KCNN2: variants seen among roughly 807,000 people sequenced by gnomAD.
KCNN2 encodes small conductance calcium-activated potassium channel protein 2.
KCNN2 carries 24 observed loss-of-function variants against 55.5 expected under a neutral mutation model. The observed-to-expected ratio is 0.43, with a 90% confidence interval of 0.31 to 0.61. The LOEUF (loss-of-function observed/expected upper bound fraction) is 0.61. Ranked by LOEUF, KCNN2 falls within the 20% of genes least tolerant of loss-of-function variation. The probability of loss-of-function intolerance (pLI) is 0.08; values close to 1 mark genes in which losing one functional copy is unlikely to be tolerated. For missense variants in KCNN2, 754 were observed against 853.6 expected, an observed-to-expected ratio of 0.88 and a Z score of 1.45; for synonymous variants, 431 against 336.1, an observed-to-expected ratio of 1.28 and a Z score of -3.09.
intron 2 of KCNN2, among the ~76,000 whole-genome samples, chr5:114,312,438 T>C (rs1256810237): frequency 0.012 from 264 of 21,642 alleles, no homozygotes; most frequent in Middle Eastern, 0.06. Context: ...CACACACATA[T>C]ATATATATAT....
intron 2 of KCNN2, among the ~76,000 whole-genome samples, chr5:114,329,947 C>T (rs1451224953): frequency 6.6e-6 from 1 of 152,128 alleles, no homozygotes; most frequent in African/African-American, 2.4e-5. Flanking sequence ...TCTCTGCAGG[C>T]CACAACCCTG....
At chr5:114,191,395 A>G (rs970094322) in intron 1 of KCNN2, among the ~76,000 whole-genome samples, 8 of 152,042 alleles carry the variant, frequency 5.3e-5, no homozygotes, top group African/African-American at 1.9e-4. Flanking sequence ...TATTTATGTA[A>G]CTCTTCTCTG....
At chr5:114,157,885 T>C (rs1752673068) in intron 1 of KCNN2, among the ~76,000 whole-genome samples, 1 of 151,880 alleles carries the variant, frequency 6.6e-6, no homozygotes, top group African/African-American at 2.4e-5. Flanking sequence ...TTGAGTTCAT[T>C]GTAGATTCTG....
chr5:114,074,957 G>A (rs896255660), intron 1 of KCNN2, among the ~76,000 whole-genome samples: 2 of 152,160 alleles, frequency 1.3e-5, no homozygotes, highest in African/African-American at 2.4e-5. Flanking sequence ...AAAGTTATGG[G>A]TGTACATCCT....
At chr5:114,178,832 T>C (rs1048983174) in intron 1 of KCNN2, among the ~76,000 whole-genome samples, 6 of 152,246 alleles carry the variant, frequency 3.9e-5, no homozygotes, top group African/African-American at 1.4e-4. Context: ...AATTGCACTT[T>C]GATGTCTGGG....
intron 1 of KCNN2, among the ~76,000 whole-genome samples, chr5:114,112,188 T>C (rs1320639117): frequency 6.6e-5 from 10 of 152,140 alleles, no homozygotes; most frequent in Non-Finnish European, 1.5e-4. Context: ...GGGACATGGA[T>C]GAAGCTGGAA....
chr5:114,229,965 G>A (rs1370400141), intron 2 of KCNN2, among the ~76,000 whole-genome samples: 1 of 151,902 alleles, frequency 6.6e-6, no homozygotes, highest in African/African-American at 2.4e-5. Flanking sequence ...TTCTTTTTTT[G>A]CTTGGTTTGA....
intron 1 of KCNN2, among the ~76,000 whole-genome samples, chr5:114,144,637 A>G (rs973814623): frequency 7.9e-5 from 12 of 152,140 alleles, no homozygotes; most frequent in Admixed American, 2.6e-4. Context: ...AGGATGAGTC[A>G]ATACAAGTAT....
intron 2 of KCNN2, among the ~76,000 whole-genome samples, chr5:114,257,243 G>A (rs569053317): frequency 1.3e-5 from 2 of 152,194 alleles, no homozygotes; most frequent in Admixed American, 1.3e-4. Context: ...CCAGGACCAT[G>A]CTGTTTTGGT....
chr5:114,265,199 C>G (rs897858600), intron 2 of KCNN2, among the ~76,000 whole-genome samples: 2 of 151,442 alleles, frequency 1.3e-5, no homozygotes, highest in Admixed American at 1.3e-4. Flanking sequence ...TAGATATATT[C>G]AGAAAACTGA....
At chr5:114,219,390 G>T (rs1380270613) in intron 1 of KCNN2, among the ~76,000 whole-genome samples, 1 of 152,114 alleles carries the variant, frequency 6.6e-6, no homozygotes, top group Non-Finnish European at 1.5e-5. Flanking sequence ...ATTGAAGGAC[G>T]GTAAATGTGG....
At chr5:114,213,346 ATCT>A (rs1169338376) in intron 1 of KCNN2, among the ~76,000 whole-genome samples, 3 of 151,598 alleles carry the variant, frequency 2.0e-5, no homozygotes, top group Admixed American at 6.6e-5. Context: ...TGCAATTCTC[ATCT>A]TCTTCCCAGA....
At chr5:114,326,097 G>T (rs1228191392) in intron 2 of KCNN2, among the ~76,000 whole-genome samples, 1 of 152,180 alleles carries the variant, frequency 6.6e-6, no homozygotes, top group Non-Finnish European at 1.5e-5. Context: ...TCAGCTTTCA[G>T]AATTTGGAAG....
intron 4 of KCNN2, among the ~76,000 whole-genome samples, chr5:114,468,242 AATATT>A (rs1277343568): frequency 6.6e-6 from 1 of 152,210 alleles, no homozygotes; most frequent in African/African-American, 2.4e-5. Context: ...AATGGGATAT[AATATT>A]AAAGCAGAGT....
At chr5:114,309,175 C>T (rs796768272) in intron 2 of KCNN2, among the ~76,000 whole-genome samples, 2 of 152,284 alleles carry the variant, frequency 1.3e-5, no homozygotes, top group African/African-American at 4.8e-5. Context: ...TATTTGAAAG[C>T]TTGCATATTA....
At chr5:114,233,629 A>G (rs2112606879) in intron 2 of KCNN2, among the ~76,000 whole-genome samples, 1 of 152,192 alleles carries the variant, frequency 6.6e-6, no homozygotes, top group East Asian at 1.9e-4. Flanking sequence ...ATTGTTTTGC[A>G]CTTTTATTCT....
intron 1 of KCNN2, among the ~76,000 whole-genome samples, chr5:114,210,482 A>G (rs1014254821): frequency 3.3e-5 from 5 of 152,196 alleles, no homozygotes; most frequent in African/African-American, 9.7e-5. Flanking sequence ...AATAATGAGA[A>G]TTCACTGTGT....
At chr5:114,298,392 C>T (rs992332080) in intron 2 of KCNN2, among the ~76,000 whole-genome samples, 1 of 152,246 alleles carries the variant, frequency 6.6e-6, no homozygotes, top group East Asian at 1.9e-4. Flanking sequence ...CCTCCTGGCA[C>T]CTCCCGGCTC....
intron 2 of KCNN2, among the ~76,000 whole-genome samples, chr5:114,375,104 A>C (rs1757892954): frequency 6.6e-6 from 1 of 152,190 alleles, no homozygotes; most frequent in African/African-American, 2.4e-5. Context: ...TACTTTTCTT[A>C]GAATAGTGTC....
Sources: allele counts gnomAD v4.1 joint callset (sites outside exome capture counted in the v4.1 genomes callset), GRCh38; gene constraint gnomAD v4.1.1; transcripts MANE v1.5; gene names NCBI Gene and HGNC (gene_info 2026-07-23, HGNC 2026-07-21).